Variants in MAOA observed in about 807,000 individuals in gnomAD.
The protein encoded by MAOA is amine oxidase [flavin-containing] A.
In MAOA, 6 loss-of-function variants were observed where a neutral mutation model predicts 42.0. The observed-to-expected ratio is 0.14, with a 90% confidence interval of 0.08 to 0.28. The LOEUF is 0.28. MAOA is among the 10% of genes least tolerant of loss of function. MAOA has a pLI of 1.00. For synonymous variants in MAOA, 140 were observed against 154.0 expected (o/e 0.91, Z 0.67); for missense variants, 262 against 422.3 (o/e 0.62, Z 3.33).
intron 1 of MAOA, among the ~76,000 whole-genome samples, chrX:43,672,608 G>A (rs1262701941): frequency 2.7e-5 from 3 of 111,594 alleles, no homozygotes; most frequent in African/African-American, 9.8e-5. Flanking sequence ...ATTATTTCGA[G>A]ATACGTCCCA....
rs2033179788 is a variant in MAOA, at chrX:43,656,375, C to T, written c.34C>T (p.His12Tyr). 2 of 1,210,263 alleles carry T rather than the reference C, an allele frequency of 1.7e-6. No individual in the cohort carries two copies. The highest frequency in any genetic ancestry group is 1.1e-6 in the Non-Finnish European group (1 of 895,090). Residue 12 changes from histidine (H) to tyrosine (Y), a missense_variant, in exon 1 of 15, where the codon CAC (histidine) becomes TAC (tyrosine). Coordinates refer to ENST00000338702, the MANE Select transcript of MAOA (RefSeq NM_000240.4). ...TCAAGAGAAGGCGAGTATCGCGGGC[C>T]ACATGTTCGACGTAGTCGTGATCGG... The part of the protein sequence containing the change: ...ENQEKASIAG[H>Y]MFDVVVIGGG...
chrX:43,656,067 C>T, upstream of MAOA: 2 of 390,770 alleles, frequency 5.1e-6, no homozygotes, highest in Non-Finnish European at 9.0e-6. Flanking sequence ...CATTCTAAAC[C>T]TAATAACTCT....
intron 2 of MAOA, among the ~76,000 whole-genome samples, chrX:43,689,900 A>G (rs1012213645): frequency 1.8e-5 from 2 of 110,949 alleles, no homozygotes; most frequent in African/African-American, 6.5e-5. Context: ...TTTCTCTCAG[A>G]ACAGCAAAGA....
chrX:43,657,556 A>C (rs1569187495), intron 1 of MAOA, among the ~76,000 whole-genome samples: 1 of 110,662 alleles, frequency 9.0e-6, no homozygotes, highest in African/African-American at 3.3e-5. Context: ...CCTCATCATG[A>C]TTGATATATT....
intron 2 of MAOA, 21 bp from the exon 3 acceptor site, chrX:43,693,270 C>A: frequency 1.7e-6 from 2 of 1,207,819 alleles, no homozygotes; most frequent in South Asian, 1.8e-5. Context: ...AGTCCTCTGA[C>A]CAATTTTTCT....
chrX:43,739,531 TGGG>T lies in MAOA; in HGVS notation c.1107-1147_1107-1145del, dbSNP rs756439558. Among the ~76,000 whole-genome samples, 3 of 112,209 alleles carry T rather than the reference TGGG, an allele frequency of 2.7e-5. No individual in the cohort carries two copies. In the East Asian group the frequency reaches 8.4e-4, roughly 31 times the overall value. ...TTTGTCCCATGTTATTCAGAGAAAT[TGGG>T]GGCATGTCTTTAAAATATTTTCTAA... On this transcript the variant is annotated intron_variant, in intron 10 of 14. Coordinates refer to ENST00000338702, the MANE Select transcript of MAOA (RefSeq NM_000240.4).
At chrX:43,715,705 C>T (rs1247691073) in intron 5 of MAOA, among the ~76,000 whole-genome samples, 2 of 109,779 alleles carry the variant, frequency 1.8e-5, no homozygotes, top group African/African-American at 6.7e-5. Flanking sequence ...ATGAGTTACC[C>T]TGGTGGTGTT....
chrX:43,696,580 T>C (rs1384880295), intron 3 of MAOA, among the ~76,000 whole-genome samples: 1 of 109,991 alleles, frequency 9.1e-6, no homozygotes, highest in Non-Finnish European at 1.9e-5. Context: ...ATACAAAAAA[T>C]TAGCCGGGCG....
At chrX:43,657,203 T>C (rs1342625619) in intron 1 of MAOA, among the ~76,000 whole-genome samples, 1 of 87,384 alleles carries the variant, frequency 1.1e-5, no homozygotes. Context: ...GAACTGTGTT[T>C]ATATATATAT....
intron 10 of MAOA, among the ~76,000 whole-genome samples, chrX:43,736,646 T>C (rs1279597937): frequency 1.8e-5 from 2 of 112,171 alleles, no homozygotes; most frequent in Non-Finnish European, 3.8e-5. Context: ...CTAAAAAGTA[T>C]ATTTTAACCT....
intron 11 of MAOA, 41 bp downstream of exon 11, chrX:43,740,779 T>A (rs2033955024): frequency 4.5e-6 from 5 of 1,116,917 alleles, no homozygotes; most frequent in Non-Finnish European, 6.1e-6. Context: ...GGTTCTTCTC[T>A]GTTCACTATA....
chrX:43,721,197 C>T (rs1377063559), intron 5 of MAOA, among the ~76,000 whole-genome samples: 2 of 110,840 alleles, frequency 1.8e-5, no homozygotes, highest in South Asian at 7.6e-4. Context: ...GAGACAGGGA[C>T]GGGTAGATGA....
chrX:43,656,212 C>T (rs775531584), upstream of MAOA: 7 of 576,234 alleles, frequency 1.2e-5, no homozygotes, highest in Non-Finnish European at 1.7e-5. Context: ...CAGTGCCCGG[C>T]TCCCCCCGGG....
intron 14 of MAOA, 81 bp from the exon 15 acceptor site, chrX:43,744,286 C>T: frequency 8.8e-7 from 1 of 1,137,428 alleles, no homozygotes; most frequent in Non-Finnish European, 1.2e-6. Flanking sequence ...TCCCAGGGGT[C>T]TCCATGCATG....
At chrX:43,673,490 T>C (rs898381090) in intron 1 of MAOA, among the ~76,000 whole-genome samples, 38 of 109,319 alleles carry the variant, frequency 3.5e-4, no homozygotes, top group Non-Finnish European at 5.5e-4. Context: ...TCTGCTAGCT[T>C]TTGAATGTGT....
chrX:43,714,040 G>C (rs1469275234), intron 5 of MAOA, among the ~76,000 whole-genome samples: 4 of 111,468 alleles, frequency 3.6e-5, no homozygotes, highest in Non-Finnish European at 7.5e-5. Flanking sequence ...GTAACCCATA[G>C]GGTTGATAGT....
chrX:43,693,820 C>T (rs762643490), intron 3 of MAOA, among the ~76,000 whole-genome samples: 1 of 110,895 alleles, frequency 9.0e-6, no homozygotes, highest in South Asian at 3.9e-4. Flanking sequence ...CTCCCCTCCC[C>T]CAGCTACAGG....
intron 1 of MAOA, among the ~76,000 whole-genome samples, chrX:43,678,124 A>G (rs776396886): frequency 8.1e-5 from 9 of 111,643 alleles, no homozygotes; most frequent in African/African-American, 1.6e-4. Flanking sequence ...GGGTACAGAT[A>G]CACCATGGAA....
At position 43,732,735 on chromosome X, in the gene MAOA, C is replaced by T. The variant is rs1240771735; in HGVS notation, c.992C>T (p.Ala331Val). 1 of 1,209,582 alleles carries T rather than the reference C, an allele frequency of 8.3e-7. No individual in the cohort carries two copies. Among genetic ancestry groups the T allele is most frequent in the Non-Finnish European group, 1.1e-6 (1 of 893,654 alleles). The change falls in exon 9 of 15, where the codon GCT becomes GTT. Residue 331 changes from alanine to valine, a missense_variant. Ala to Val is a moderately conservative substitution (Grantham distance 64, BLOSUM62 0). Transcript: ENST00000338702. Reference protein sequence around the residue: ...CGCMIIEDEDAPISITLDDTK... With the variant: ...CGCMIIEDEDVPISITLDDTK... ...TGCATGATCATTGAAGATGAAGATG[C>T]TCCAATTTCAATAACCTTGGATGAC...
Sources: gnomAD v4.1 joint callset for allele counts (sites outside exome capture counted in the v4.1 genomes callset) on GRCh38, gnomAD v4.1.1 for gene constraint, MANE v1.5 for transcripts, NCBI Gene and HGNC (gene_info 2026-07-23, HGNC 2026-07-21) for gene names.